The following RSRC1 variants were observed in gnomAD, a reference collection of about 807,000 sequenced individuals.
The protein encoded by RSRC1 is serine/Arginine-related protein 53.
Under a neutral mutation model 49.1 loss-of-function variants are expected in RSRC1, and 39 were observed. The ratio of observed to expected loss-of-function variants is 0.79; its 90% CI spans 0.61 to 1.04. RSRC1 has a LOEUF of 1.04. Ranked by LOEUF, RSRC1 falls within the 50% of genes least tolerant of loss-of-function variation. The probability of loss-of-function intolerance (pLI) is 0.00; values close to 1 mark genes in which losing one functional copy is unlikely to be tolerated. For synonymous variants in RSRC1, 143 were observed against 130.8 expected, an observed-to-expected ratio of 1.09 and a Z score of -0.63; for missense variants, 388 against 402.4, an observed-to-expected ratio of 0.96 and a Z score of 0.31.
chr3:158,292,359 G>A (rs1726982725), intron 4 of RSRC1, among the ~76,000 whole-genome samples: 1 of 151,996 alleles, frequency 6.6e-6, no homozygotes, highest in African/African-American at 2.4e-5. Context: ...TTCAGAAATC[G>A]ATGTGCTGCA....
intron 6 of RSRC1, among the ~76,000 whole-genome samples, chr3:158,406,879 C>T (rs865925517): frequency 6.6e-6 from 1 of 152,144 alleles, no homozygotes. Flanking sequence ...AATTAAAGGG[C>T]TTTAGTCGGC....
chr3:158,418,893 T>A (rs570524967), intron 6 of RSRC1, among the ~76,000 whole-genome samples: 1 of 152,118 alleles, frequency 6.6e-6, no homozygotes, highest in African/African-American at 2.4e-5. Context: ...GGTTAAAAAA[T>A]TGAGATTAAA....
At chr3:158,317,450 G>A (rs758856805) in intron 5 of RSRC1, among the ~76,000 whole-genome samples, 8 of 151,992 alleles carry the variant, frequency 5.3e-5, no homozygotes, top group Non-Finnish European at 1.0e-4. Flanking sequence ...GCATGATCTC[G>A]AACTCCTGAG....
At chr3:158,266,462 A>G (rs1725182171) in intron 4 of RSRC1, among the ~76,000 whole-genome samples, 2 of 152,146 alleles carry the variant, frequency 1.3e-5, no homozygotes, top group Non-Finnish European at 2.9e-5. Flanking sequence ...GCTTTGTAAG[A>G]CAGTCTTTTG....
chr3:158,425,760 G>T lies in RSRC1; in HGVS notation c.584-35175G>T, dbSNP rs1464254078. On this transcript the variant is annotated intron_variant, in intron 6 of 9. Coordinates refer to ENST00000611884, the MANE Select transcript of RSRC1 (RefSeq NM_001271838.2). ...ACTCAGGACTTGCTTTATGAATCTG[G>T]GTGCTCCTTTATTGGGTGCATATAT... 2.0e-5 allele frequency among the ~76,000 whole-genome samples: 3 copies of T among 151,772 alleles called. No homozygotes were observed. The East Asian group carries it at 5.8e-4, about 29-fold the overall frequency.
At chr3:158,232,046 T>C (rs1440388450) in intron 4 of RSRC1, among the ~76,000 whole-genome samples, 1 of 152,144 alleles carries the variant, frequency 6.6e-6, no homozygotes, top group Non-Finnish European at 1.5e-5. Flanking sequence ...TTTTTTTCTG[T>C]TTTAATGTTT....
At chr3:158,328,388 G>A (rs1276784782) in intron 5 of RSRC1, among the ~76,000 whole-genome samples, 2 of 152,076 alleles carry the variant, frequency 1.3e-5, no homozygotes, top group Non-Finnish European at 2.9e-5. Flanking sequence ...TTCTTTCCAT[G>A]TTTAGTGCTT....
chr3:158,209,617 TATTTCCTCATTGG>T (rs544903634), intron 4 of RSRC1, among the ~76,000 whole-genome samples: 45 of 152,268 alleles, frequency 3.0e-4, no homozygotes, highest in Admixed American at 1.6e-3. Flanking sequence ...TCACCGTTAT[TATTTCCTCATTGG>T]ATTTTCAGTA....
intron 5 of RSRC1, among the ~76,000 whole-genome samples, chr3:158,320,123 C>T (rs1728680522): frequency 6.6e-6 from 1 of 152,102 alleles, no homozygotes; most frequent in Non-Finnish European, 1.5e-5. Context: ...ACATAATGTC[C>T]CTTGATTACA....
rs1201085752 is a variant in RSRC1, at chr3:158,318,733, T to TA, written c.531+20659dup. On this transcript the variant is annotated intron_variant, in intron 5 of 9. Transcript: ENST00000611884. ...ATAGACTGATCTTCCTGCATGGACTTATGTCAGAACTTGGGAAGGGCACCT... is the reference window on the plus strand; with the variant it reads ...ATAGACTGATCTTCCTGCATGGACTTAATGTCAGAACTTGGGAAGGGCACCT... Among the ~76,000 whole-genome samples the TA allele has an allele frequency of 3.6e-4, 55 of 152,216 alleles. 1 individual carries two copies.
chr3:158,453,365 T>C (rs183947985), intron 6 of RSRC1, among the ~76,000 whole-genome samples: 14 of 148,884 alleles, frequency 9.4e-5, no homozygotes, highest in African/African-American at 3.3e-4. Context: ...AGGCCAAAAG[T>C]CTGTGTAGCC....
At chr3:158,364,522 T>G (rs1025279299) in intron 6 of RSRC1, among the ~76,000 whole-genome samples, 2 of 152,194 alleles carry the variant, frequency 1.3e-5, no homozygotes, top group Non-Finnish European at 2.9e-5. Flanking sequence ...ACTTTTTATT[T>G]ACTGTCCTGT....
chr3:158,464,250 T>G (rs1301170768), intron 7 of RSRC1, among the ~76,000 whole-genome samples: 1 of 152,144 alleles, frequency 6.6e-6, no homozygotes, highest in Non-Finnish European at 1.5e-5. Flanking sequence ...TTTCTGTGTA[T>G]TTTTATATTT....
intron 5 of RSRC1, among the ~76,000 whole-genome samples, chr3:158,326,564 A>G (rs1202933268): frequency 1.3e-5 from 2 of 152,122 alleles, no homozygotes; most frequent in African/African-American, 4.8e-5. Flanking sequence ...CCAGCCTTGC[A>G]TCGTAGGGAT....
chr3:158,462,056 A>G (rs952418755), intron 7 of RSRC1, among the ~76,000 whole-genome samples: 1 of 151,718 alleles, frequency 6.6e-6, no homozygotes, highest in East Asian at 1.9e-4. Flanking sequence ...AGTAGATTCA[A>G]ACTAAATGTG....
At chr3:158,358,702 C>T (rs1055994090) in intron 6 of RSRC1, among the ~76,000 whole-genome samples, 7 of 152,082 alleles carry the variant, frequency 4.6e-5, no homozygotes, top group African/African-American at 1.7e-4. Flanking sequence ...CTATCTAGTT[C>T]TAAACATTGC....
intron 6 of RSRC1, among the ~76,000 whole-genome samples, chr3:158,424,204 T>C (rs1018918263): frequency 1.3e-5 from 2 of 152,144 alleles, no homozygotes; most frequent in African/African-American, 4.8e-5. Flanking sequence ...AGTATGATAC[T>C]GGCTGTGGGT....
At chr3:158,438,920 T>C (rs1456419336) in intron 6 of RSRC1, among the ~76,000 whole-genome samples, 1 of 152,194 alleles carries the variant, frequency 6.6e-6, no homozygotes, top group Non-Finnish European at 1.5e-5. Flanking sequence ...TCTACTCATC[T>C]GACAAAGGGC....
intron 7 of RSRC1, among the ~76,000 whole-genome samples, chr3:158,494,607 A>G (rs745820866): frequency 7.0e-4 from 106 of 152,218 alleles, no homozygotes; most frequent in Non-Finnish European, 1.4e-3. Context: ...CTCTTCTGCA[A>G]TAACACTTAA....
Sources: allele counts gnomAD v4.1 joint callset (sites outside exome capture counted in the v4.1 genomes callset), GRCh38; gene constraint gnomAD v4.1.1; transcripts MANE v1.5; gene names NCBI Gene and HGNC (gene_info 2026-07-23, HGNC 2026-07-21).